Variants in CDK14 observed in about 807,000 individuals in gnomAD.
CDK14 encodes cyclin-dependent kinase 14.
In CDK14, 34 loss-of-function variants were observed where a neutral mutation model predicts 60.7. The ratio of observed to expected loss-of-function variants is 0.56; its 90% confidence interval spans 0.43 to 0.75. The LOEUF is 0.75. Ranked by LOEUF, CDK14 falls within the 30% of genes least tolerant of loss-of-function variation. CDK14 has a pLI of 0.00. For synonymous variants in CDK14, 197 were observed against 203.7 expected, an observed-to-expected ratio of 0.97 and a Z score of 0.28; for missense variants, 482 against 564.1, an observed-to-expected ratio of 0.85 and a Z score of 1.47.
chr7:90,645,309 A>G (rs1800440770), intron 2 of CDK14, among the ~76,000 whole-genome samples: 1 of 152,082 alleles, frequency 6.6e-6, no homozygotes, highest in African/African-American at 2.4e-5. Flanking sequence ...TTGGCTTACA[A>G]TGTTTCAGTC....
At chr7:91,123,782 C>T (rs564075819) in intron 14 of CDK14, among the ~76,000 whole-genome samples, 6 of 152,202 alleles carry the variant, frequency 3.9e-5, no homozygotes, top group Non-Finnish European at 7.3e-5. Flanking sequence ...CCACCCTAAC[C>T]GCATGCAAGT....
intron 2 of CDK14, among the ~76,000 whole-genome samples, chr7:90,640,111 G>C (rs539893921): frequency 6.6e-6 from 1 of 152,064 alleles, no homozygotes; most frequent in African/African-American, 2.4e-5. Flanking sequence ...GCTGGCGCAC[G>C]GTGCGCTGCA....
intron 12 of CDK14, among the ~76,000 whole-genome samples, chr7:91,111,008 G>A (rs1287179966): frequency 1.3e-5 from 2 of 152,138 alleles, no homozygotes; most frequent in South Asian, 2.1e-4. Flanking sequence ...AGAATTTTGA[G>A]AATGCTTTCG....
intron 5 of CDK14, among the ~76,000 whole-genome samples, chr7:90,829,807 A>G (rs921020280): frequency 6.6e-6 from 1 of 152,194 alleles, no homozygotes; most frequent in Admixed American, 6.5e-5. Context: ...TGCTGGGATT[A>G]CAGGCATGAG....
chr7:90,643,964 CT>C (rs370035664), intron 2 of CDK14, among the ~76,000 whole-genome samples: 73 of 152,290 alleles, frequency 4.8e-4, no homozygotes, highest in African/African-American at 1.6e-3. Flanking sequence ...AAGCGCCAGT[CT>C]CCAATGTGAC....
chr7:91,009,447 A>G (rs1796088671), intron 10 of CDK14, among the ~76,000 whole-genome samples: 1 of 152,164 alleles, frequency 6.6e-6, no homozygotes, highest in African/African-American at 2.4e-5. Flanking sequence ...AAAAACTGCC[A>G]GTCTGTTTTC....
At chr7:90,694,495 C>T (rs1801617463) in intron 2 of CDK14, among the ~76,000 whole-genome samples, 1 of 151,828 alleles carries the variant, frequency 6.6e-6, no homozygotes. Flanking sequence ...TTTAATATGC[C>T]CCTTGTCTAG....
intron 5 of CDK14, among the ~76,000 whole-genome samples, chr7:90,826,287 C>T (rs953156553): frequency 5.9e-5 from 9 of 152,106 alleles, no homozygotes; most frequent in African/African-American, 1.7e-4. Context: ...GGCGTGATCT[C>T]GGCTCACTGC....
chr7:90,999,917 T>C (rs1286858802), intron 10 of CDK14, among the ~76,000 whole-genome samples: 1 of 152,192 alleles, frequency 6.6e-6, no homozygotes, highest in Non-Finnish European at 1.5e-5. Flanking sequence ...AACTGTTCTG[T>C]CTCAGCCACC....
At chr7:90,679,352 TACAA>T (rs1160116859) in intron 2 of CDK14, among the ~76,000 whole-genome samples, 1 of 152,218 alleles carries the variant, frequency 6.6e-6, no homozygotes. Flanking sequence ...GAGTTGCATA[TACAA>T]ACAAATACTT....
chr7:90,980,847 G>A (rs771980550), intron 9 of CDK14, among the ~76,000 whole-genome samples: 1 of 152,124 alleles, frequency 6.6e-6, no homozygotes, highest in Non-Finnish European at 1.5e-5. Flanking sequence ...GCATAGAATA[G>A]ATTTGTCTTT....
intron 2 of CDK14, among the ~76,000 whole-genome samples, chr7:90,672,815 G>A (rs1584784744): frequency 6.6e-6 from 1 of 151,766 alleles, no homozygotes; most frequent in Non-Finnish European, 1.5e-5. Flanking sequence ...ACCTCGCCTG[G>A]GTCATATTTT....
At chr7:90,719,832 T>C (rs1461216404) in intron 2 of CDK14, among the ~76,000 whole-genome samples, 1 of 152,214 alleles carries the variant, frequency 6.6e-6, no homozygotes, top group East Asian at 1.9e-4. Flanking sequence ...ATGGAACAAG[T>C]AGTATGAAAA....
intron 8 of CDK14, among the ~76,000 whole-genome samples, chr7:90,923,330 C>A (rs1173548442): frequency 6.6e-6 from 1 of 152,068 alleles, no homozygotes; most frequent in East Asian, 1.9e-4. Context: ...AGAATGGTCT[C>A]GATCTCCTGA....
At chr7:90,672,428 A>C (rs909896419) in intron 2 of CDK14, among the ~76,000 whole-genome samples, 3 of 146,898 alleles carry the variant, frequency 2.0e-5, no homozygotes, top group Non-Finnish European at 4.5e-5. Context: ...TGTGATTTTC[A>C]TCTCTGGCTT....
intron 10 of CDK14, among the ~76,000 whole-genome samples, chr7:91,025,925 A>G (rs1796557838): frequency 6.6e-6 from 1 of 152,298 alleles, no homozygotes; most frequent in South Asian, 2.1e-4. Flanking sequence ...CTTTTCCTCA[A>G]CCTGTTGTGC....
At chr7:91,204,976 G>T (rs1011665613) in intron 14 of CDK14, among the ~76,000 whole-genome samples, 1 of 151,608 alleles carries the variant, frequency 6.6e-6, no homozygotes, top group African/African-American at 2.4e-5. Flanking sequence ...CAACATCATC[G>T]ATCATTAGGG....
At chr7:90,881,702 C>T (rs565289875) in intron 6 of CDK14, among the ~76,000 whole-genome samples, 1 of 152,116 alleles carries the variant, frequency 6.6e-6, no homozygotes, top group African/African-American at 2.4e-5. Context: ...GCCGGGTCAC[C>T]TACAAAGGGA....
At chr7:90,934,413 C>G (rs1793690165) in intron 8 of CDK14, among the ~76,000 whole-genome samples, 1 of 152,200 alleles carries the variant, frequency 6.6e-6, no homozygotes, top group African/African-American at 2.4e-5. Context: ...AGAGTGATAG[C>G]CAAGGCTCAC....
Sources: gnomAD v4.1 joint callset for allele counts (sites outside exome capture counted in the v4.1 genomes callset) on GRCh38, gnomAD v4.1.1 for gene constraint, MANE v1.5 for transcripts, NCBI Gene and HGNC (gene_info 2026-07-23, HGNC 2026-07-21) for gene names.